The following TMEM41B variants were observed in gnomAD, a reference collection of about 807,000 sequenced individuals.
The protein encoded by TMEM41B is protein stasimon.
TMEM41B carries 18 observed loss-of-function variants against 31.9 expected under a neutral mutation model. That is an observed-to-expected ratio of 0.56 (90% confidence interval 0.39 to 0.84). TMEM41B has a LOEUF of 0.84. Ranked by LOEUF, TMEM41B falls within the 40% of genes least tolerant of loss-of-function variation. TMEM41B has a pLI of 0.00. For synonymous variants in TMEM41B, 144 were observed against 124.3 expected, an observed-to-expected ratio of 1.16 and a Z score of -1.05; for missense variants, 322 against 348.0, an observed-to-expected ratio of 0.93 and a Z score of 0.59.
At chr11:9,299,254 G>C (rs1186152446) in intron 2 of TMEM41B, among the ~76,000 whole-genome samples, 1 of 125,402 alleles carries the variant, frequency 8.0e-6, no homozygotes, top group Admixed American at 9.9e-5. Flanking sequence ...CTGCATTCCA[G>C]CCTGGGTGAC....
chr11:9,290,354 G>A (rs767743548), intron 3 of TMEM41B, among the ~76,000 whole-genome samples: 4 of 152,136 alleles, frequency 2.6e-5, no homozygotes, highest in Non-Finnish European at 5.9e-5. Context: ...AGCCAGCCTG[G>A]CAACAGAGCA....
chr11:9,313,403 TACAG>T (rs1853610119), intron 1 of TMEM41B, among the ~76,000 whole-genome samples: 1 of 152,234 alleles, frequency 6.6e-6, no homozygotes, highest in African/African-American at 2.4e-5. Context: ...CTATGTGAGC[TACAG>T]ACAAACTTGT....
chr11:9,294,629 A>C (rs1362781572), intron 3 of TMEM41B, among the ~76,000 whole-genome samples: 1 of 152,206 alleles, frequency 6.6e-6, no homozygotes, highest in African/African-American at 2.4e-5. Flanking sequence ...AGAAATGAAA[A>C]TTAAACTCCA....
chr11:9,312,138 C>A (rs1185853966), intron 1 of TMEM41B, among the ~76,000 whole-genome samples: 1 of 152,230 alleles, frequency 6.6e-6, no homozygotes, highest in Admixed American at 6.5e-5. Flanking sequence ...CCTACCCACA[C>A]ACATAAAAGT....
At chr11:9,290,653 G>A (rs1356262096) in intron 3 of TMEM41B, among the ~76,000 whole-genome samples, 1 of 152,072 alleles carries the variant, frequency 6.6e-6, no homozygotes, top group Non-Finnish European at 1.5e-5. Flanking sequence ...AAATAAATGA[G>A]GACAAGTTCC....
intron 2 of TMEM41B, among the ~76,000 whole-genome samples, chr11:9,296,704 A>G (rs1853097984): frequency 6.6e-6 from 1 of 152,190 alleles, no homozygotes; most frequent in Non-Finnish European, 1.5e-5. Flanking sequence ...ATGATAAACT[A>G]AATAATAATT....
At chr11:9,297,627 G>A (rs758648421) in intron 2 of TMEM41B, among the ~76,000 whole-genome samples, 4 of 152,098 alleles carry the variant, frequency 2.6e-5, no homozygotes, top group Non-Finnish European at 5.9e-5. Context: ...GGAGGTGGGG[G>A]CTGCAGTAAG....
At chr11:9,298,673 C>CA (rs2133630218) in intron 2 of TMEM41B, among the ~76,000 whole-genome samples, 1 of 150,148 alleles carries the variant, frequency 6.7e-6, no homozygotes, top group South Asian at 2.1e-4. Context: ...GACTGAGGCA[C>CA]AAAAATCCTT....
intron 1 of TMEM41B, among the ~76,000 whole-genome samples, chr11:9,303,888 G>A (rs541377371): frequency 2.0e-4 from 30 of 152,106 alleles, no homozygotes; most frequent in African/African-American, 3.6e-4. Context: ...GGCTGGTCTC[G>A]AACTCCTGAC....
At chr11:9,305,091 T>C (rs985262095) in intron 1 of TMEM41B, among the ~76,000 whole-genome samples, 3 of 152,144 alleles carry the variant, frequency 2.0e-5, no homozygotes, top group Non-Finnish European at 4.4e-5. Flanking sequence ...AGAACCGGGC[T>C]AGAAAACCTA....
rs1852711067 is a variant in TMEM41B at position 9,281,143 on chromosome 11, GTAAA to G, written c.*2277_*2280del. On this transcript the variant is annotated 3_prime_UTR_variant, in exon 7 of 7. Transcript: ENST00000528080. ...GTAAGTACAATTTACACACGCTGGAGTAAATAGTGAAGCTTCTACTGAGTTCTAC... is the reference window on the plus strand; with the variant it reads ...GTAAGTACAATTTACACACGCTGGAGTAGTGAAGCTTCTACTGAGTTCTAC... 6.6e-6 allele frequency: 1 copy of G among 152,134 alleles called. No homozygotes were observed. Among genetic ancestry groups the G allele is most frequent in the Non-Finnish European group, 1.5e-5 (1 of 68,020 alleles). The allele number at this position is 152,134 out of a possible 1,614,324, so 9.4% of individuals were successfully genotyped here.
At chr11:9,291,280 G>A (rs1436184751) in intron 3 of TMEM41B, among the ~76,000 whole-genome samples, 1 of 152,066 alleles carries the variant, frequency 6.6e-6, no homozygotes, top group African/African-American at 2.4e-5. Flanking sequence ...TACTTGGCAA[G>A]CTGAAGCAGG....
In TMEM41B at chr11:9,283,532, T is replaced by A; in HGVS notation, c.768A>T (p.Thr256=). ...KAGTTLYQLT[T]AGEAVSWNSI... ...AGTTCCAGGAAACAGCTTCTCCTGC[T>A]GTTGTAAGTTGATACAGTGTTGTTC... is the stretch of plus-strand genomic sequence containing the variant. The change falls in exon 7 of 7, where the codon ACA becomes ACT. Residue 256 remains threonine, a synonymous_variant. Transcript: ENST00000528080. 6.2e-7 allele frequency: 1 copy of A among 1,613,664 alleles called. No individual in the cohort carries two copies. The highest frequency in any genetic ancestry group is 8.5e-7 in the Non-Finnish European group (1 of 1,179,880).
chr11:9,288,446 C>A lies in TMEM41B; in HGVS notation c.458G>T (p.Cys153Phe). 1.3e-6 allele frequency: 2 copies of A among 1,574,182 alleles called. No homozygotes were observed. Among genetic ancestry groups the A allele is most frequent in the Non-Finnish European group, 8.6e-7 (1 of 1,164,658 alleles). The change falls in exon 4 of 7, where the codon TGT becomes TTT. Residue 153 changes from cysteine to phenylalanine, a missense_variant. This residue lies in a region of TMEM41B where 47 missense variants were observed against 84.8 expected (regional missense o/e 0.55). Transcript: ENST00000528080. Reference sequence around the variant, plus strand: ...ATTTTATTTTTTCATACTTACCAAACAAACAAGAAATAAGGCTAGTGGAAA... The same window carrying A: ...ATTTTATTTTTTCATACTTACCAAAAAAACAAGAAATAAGGCTAGTGGAAA... ...YPFPLALFLV[C>F]LCSGLGASFC... is the part of the protein sequence containing the mutation.
chr11:9,310,801 A>T (rs1313348742), intron 1 of TMEM41B, among the ~76,000 whole-genome samples: 1 of 152,026 alleles, frequency 6.6e-6, no homozygotes, highest in Non-Finnish European at 1.5e-5. Flanking sequence ...TCATCGACCA[A>T]ACAGACTCTA....
chr11:9,288,350 T>C, intron 4 of TMEM41B, 92 bp downstream of exon 4: 1 of 855,462 alleles, frequency 1.2e-6, no homozygotes, highest in South Asian at 2.2e-5. Context: ...AATGAGTTTA[T>C]GCTTACATAG....
rs558904313 is a variant in TMEM41B, at chr11:9,309,895, C to T, written c.121+4426G>A. ...CCAAGATCGCACCACTGCACTCCAG[C>T]CTGGGTGACAGAGCAAGACTCCATC... On this transcript the variant is annotated intron_variant, in intron 1 of 6. Transcript: ENST00000528080. 2.4e-3 allele frequency among the ~76,000 whole-genome samples: 352 copies of T among 149,482 alleles called. 1 individual carries two copies. The highest frequency in any genetic ancestry group is 7.8e-3 in the African/African-American group (317 of 40,698).
In TMEM41B at chr11:9,283,511, C is replaced by T; in HGVS notation, c.789G>A (p.Trp263Ter). Residue 263 changes from tryptophan (W) to a stop codon, truncating the protein, a stop_gained, in exon 7 of 7, where the codon TGG becomes TGA. Coordinates refer to ENST00000528080, the MANE Select transcript of TMEM41B (RefSeq NM_015012.4). LOFTEE classifies it high-confidence loss of function. ...QLTTAGEAVSWNSIFILMILA... is the reference protein window; with the variant it reads ...QLTTAGEAVS ...AGATCATCAGAATAAATATTGAGTT[C>T]CAGGAAACAGCTTCTCCTGCTGTTG... 1 of 1,613,398 alleles carries T rather than the reference C, an allele frequency of 6.2e-7. No individual in the cohort carries two copies. Among genetic ancestry groups the T allele is most frequent in the Non-Finnish European group, 8.5e-7 (1 of 1,179,758 alleles).
chr11:9,299,483 A>G lies in TMEM41B; in HGVS notation c.239+101T>C, dbSNP rs953397409. 5 of 806,138 alleles carry G rather than the reference A, an allele frequency of 6.2e-6. No individual in the cohort carries two copies. In the Admixed American group the frequency reaches 7.8e-5, roughly 13 times the overall value. 49.9% of individuals were successfully genotyped at this position (806,138 alleles called of 1,614,324 possible). A position where few individuals can be genotyped will look rare whatever the true frequency, so the allele number is the denominator to read the frequency against. On this transcript the variant is annotated intron_variant, in intron 2 of 6. Transcript: ENST00000528080. ...ACCAATCCACCCACCTCGGCCTCCCAAAGTGTTGAGATTACAGGCATCAGC... is the reference window on the plus strand; with the variant it reads ...ACCAATCCACCCACCTCGGCCTCCCGAAGTGTTGAGATTACAGGCATCAGC...
Sources: gnomAD v4.1 joint callset for allele counts (sites outside exome capture counted in the v4.1 genomes callset) on GRCh38, gnomAD v4.1.1 for gene constraint, gnomAD v4.1.1 regional missense constraint, MANE v1.5 for transcripts, NCBI Gene and HGNC (gene_info 2026-07-23, HGNC 2026-07-21) for gene names.